ARMH3: variants seen among roughly 807,000 people sequenced by gnomAD.
The protein encoded by ARMH3 is armadillo like helical domain containing 3.
ARMH3 carries 60 observed loss-of-function variants against 99.1 expected under a neutral mutation model. The observed-to-expected ratio is 0.61, with a 90% CI of 0.49 to 0.75. The LOEUF (loss-of-function observed/expected upper bound fraction) is 0.75, where lower values mean the gene tolerates loss of function less well. ARMH3 is among the 30% of genes least tolerant of loss of function. ARMH3 has a pLI of 0.00. For synonymous variants in ARMH3, 285 were observed against 292.8 expected (o/e 0.97, Z 0.27); for missense variants, 679 against 843.1 (o/e 0.81, Z 2.41).
chr10:101,876,526 G>C (rs953860860), intron 24 of ARMH3, among the ~76,000 whole-genome samples: 1 of 152,080 alleles, frequency 6.6e-6, no homozygotes, highest in African/African-American at 2.4e-5. Context: ...GCTCTAACTA[G>C]GTGGGTCATT....
At chr10:101,922,850 G>A (rs1293518154) in intron 23 of ARMH3, among the ~76,000 whole-genome samples, 3 of 152,104 alleles carry the variant, frequency 2.0e-5, no homozygotes, top group Admixed American at 2.0e-4. Flanking sequence ...TGCATGTGAG[G>A]GGAGAACAAT....
At chr10:101,885,242 C>T (rs900720930) in intron 24 of ARMH3, among the ~76,000 whole-genome samples, 3 of 152,060 alleles carry the variant, frequency 2.0e-5, no homozygotes, top group Admixed American at 1.3e-4. Context: ...AAATGTTAAA[C>T]ATAGAATTAT....
chr10:101,982,021 CA>C (rs71016356), intron 19 of ARMH3, among the ~76,000 whole-genome samples: 14,700 of 58,802 alleles, frequency 0.25, 402 homozygotes, highest in Non-Finnish European at 0.3. Context: ...GACTCTATCT[CA>C]AAAAAAAAAA....
intron 25 of ARMH3, among the ~76,000 whole-genome samples, chr10:101,849,098 G>A (rs187789381): frequency 1.3e-5 from 2 of 152,318 alleles, no homozygotes; most frequent in Admixed American, 6.5e-5. Context: ...CTAAGGACAG[G>A]GGAAGTGGGT....
rs1275920797 is a variant in ARMH3, at chr10:101,935,701, G to A, written c.1781+4162C>T. Among the ~76,000 whole-genome samples the A allele has an allele frequency of 2.0e-5, 3 of 152,162 alleles. No homozygotes were observed. In the East Asian group the frequency reaches 5.8e-4, roughly 29 times the overall value. The stretch of plus-strand genomic sequence containing the variant: ...ACATGCAACCCAAGCCCTTCTCATG[G>A]TTATTAAAGAACATACTACAGAAGA... On this transcript the variant is annotated intron_variant, in intron 23 of 25. Transcript: ENST00000370033.
intron 17 of ARMH3, among the ~76,000 whole-genome samples, chr10:101,993,128 G>T (rs148521999): frequency 6.6e-6 from 1 of 151,796 alleles, no homozygotes; most frequent in African/African-American, 2.4e-5. Context: ...AAAATTAGCC[G>T]AGCGTGGTGG....
chr10:101,877,529 G>A (rs1388191920), intron 24 of ARMH3, among the ~76,000 whole-genome samples: 5 of 152,066 alleles, frequency 3.3e-5, no homozygotes, highest in South Asian at 4.1e-4. Context: ...GCGTGATGGC[G>A]TGTGCCTGTA....
intron 20 of ARMH3, among the ~76,000 whole-genome samples, chr10:101,967,742 G>A (rs1296023000): frequency 6.6e-6 from 1 of 152,096 alleles, no homozygotes; most frequent in Non-Finnish European, 1.5e-5. Flanking sequence ...GTCGTGGGGG[G>A]AGCAGGGGGC....
intron 24 of ARMH3, among the ~76,000 whole-genome samples, chr10:101,869,300 C>A (rs2067079667): frequency 6.6e-6 from 1 of 151,732 alleles, no homozygotes; most frequent in Non-Finnish European, 1.5e-5. Flanking sequence ...AACTCAACAA[C>A]AAGGGAACAC....
At chr10:101,856,751 C>A (rs1412908654) in intron 24 of ARMH3, among the ~76,000 whole-genome samples, 3 of 152,050 alleles carry the variant, frequency 2.0e-5, no homozygotes, top group Non-Finnish European at 4.4e-5. Context: ...TTTTTGAACC[C>A]ATTTCTTCCA....
In ARMH3 at chr10:101,991,985, T is replaced by C; in HGVS notation, c.1329A>G (p.Leu443=). Residue 443 remains leucine (L), a synonymous_variant, in exon 18 of 26, where the codon TTA becomes TTG. Transcript: ENST00000370033. ...CTCACTCACCCAGTACTGCACATAC[T>C]AAAGGACGGCAGGGAAGATTCTTGT... is the stretch of plus-strand genomic sequence containing the variant. ...AADKNLPCRP[L]VCAVLDLMVE... 1.2e-6 allele frequency: 2 copies of C among 1,614,054 alleles called. No homozygotes were observed. Among genetic ancestry groups the C allele is most frequent in the South Asian group, 1.1e-5 (1 of 91,078 alleles).
intron 16 of ARMH3, among the ~76,000 whole-genome samples, chr10:101,994,304 C>A (rs1359584278): frequency 6.6e-6 from 1 of 152,014 alleles, no homozygotes; most frequent in African/African-American, 2.4e-5. Flanking sequence ...GCAATTATAC[C>A]AGGCCCACTG....
At chr10:101,884,875 A>C (rs563214805) in intron 24 of ARMH3, among the ~76,000 whole-genome samples, 1 of 152,344 alleles carries the variant, frequency 6.6e-6, no homozygotes, top group East Asian at 1.9e-4. Context: ...GTAAAAAGAC[A>C]AACCACAGAA....
chr10:101,972,626 T>C (rs563054944), intron 20 of ARMH3, among the ~76,000 whole-genome samples: 7 of 152,328 alleles, frequency 4.6e-5, no homozygotes, highest in East Asian at 1.9e-4. Flanking sequence ...ATATTATACA[T>C]GTGACTGCAT....
chr10:102,033,526 C>G, intron 2 of ARMH3, 187 bp from the exon 3 acceptor site: 1 of 574,172 alleles, frequency 1.7e-6, no homozygotes, highest in Non-Finnish European at 2.9e-6. Flanking sequence ...TCACGCCATT[C>G]CCCCGCCTCA....
chr10:102,029,533 T>C (rs777317111), intron 5 of ARMH3, 105 bp downstream of exon 5: 47 of 1,607,934 alleles, frequency 2.9e-5, no homozygotes, highest in Non-Finnish European at 3.7e-5. Flanking sequence ...CAATCATCTG[T>C]ATCTTTCTGA....
intron 20 of ARMH3, among the ~76,000 whole-genome samples, chr10:101,964,944 G>A (rs1363313918): frequency 1.3e-5 from 2 of 151,986 alleles, no homozygotes; most frequent in African/African-American, 2.4e-5. Flanking sequence ...ACCCAGAGGC[G>A]GAAGTTGCAG....
chr10:101,919,557 C>T (rs7913468), intron 23 of ARMH3, among the ~76,000 whole-genome samples: 23,461 of 151,962 alleles, frequency 0.15, 2,577 homozygotes, highest in East Asian at 0.52. Context: ...CTTAGCAGAC[C>T]CCTGTAGGCT....
chr10:102,002,186 A>G, intron 14 of ARMH3, 114 bp from the exon 15 acceptor site: 9 of 1,475,168 alleles, frequency 6.1e-6, no homozygotes, highest in Non-Finnish European at 8.2e-6. Context: ...CTTTTTCCAC[A>G]ACAGAGGGAG....
Sources: allele counts gnomAD v4.1 joint callset (sites outside exome capture counted in the v4.1 genomes callset), GRCh38; gene constraint gnomAD v4.1.1; transcripts MANE v1.5; gene names NCBI Gene and HGNC (gene_info 2026-07-23, HGNC 2026-07-21).